DTNA: variants seen among roughly 807,000 people sequenced by gnomAD.
The protein encoded by DTNA is dystrophin-related protein 3.
A neutral mutation model predicts 100.7 loss-of-function variants in DTNA; 43 were observed. The observed-to-expected ratio is 0.43, with a 90% CI of 0.33 to 0.55. The LOEUF (loss-of-function observed/expected upper bound fraction) is 0.55. Among genes scored for constraint, DTNA ranks in the 20% least tolerant of loss-of-function variants. DTNA has a pLI of 0.04. For synonymous variants in DTNA, 349 were observed against 347.9 expected (o/e 1.00, Z -0.04); for missense variants, 798 against 953.9 (o/e 0.84, Z 2.15).
chr18:34,888,859 C>T lies in DTNA; in HGVS notation c.*1125C>T. 1 of 985,908 alleles carries T rather than the reference C, an allele frequency of 1.0e-6. No homozygotes were observed. Among genetic ancestry groups the T allele is most frequent in the Non-Finnish European group, 1.2e-6 (1 of 829,954 alleles). 61.1% of individuals were successfully genotyped at this position (985,908 alleles called of 1,614,324 possible). ...AAGTGCGCTTGCAAACGTTTGCTCT[C>T]CTTTTTTTCTGAATGTTGATTGCCT... On this transcript the variant is annotated 3_prime_UTR_variant, in exon 23 of 23. Coordinates refer to ENST00000444659, the MANE Select transcript of DTNA (RefSeq NM_001386795.1).
intron 1 of DTNA, among the ~76,000 whole-genome samples, chr18:34,688,431 G>T (rs537763798): frequency 9.9e-5 from 15 of 152,266 alleles, no homozygotes; most frequent in Non-Finnish European, 8.8e-5. Context: ...GAAATTCTGG[G>T]TTGAAAATTC....
intron 17 of DTNA, chr18:34,868,587 G>A (rs2096732491): frequency 1.0e-6 from 1 of 985,274 alleles, no homozygotes. Flanking sequence ...AACAAATTGT[G>A]CTGGATTTAA....
intron 22 of DTNA, among the ~76,000 whole-genome samples, chr18:34,887,502 TC>T (rs1194489243): frequency 6.6e-6 from 1 of 152,122 alleles, no homozygotes; most frequent in South Asian, 2.1e-4. Flanking sequence ...GTGTTGCTTT[TC>T]CCCTCCAGAT....
intron 1 of DTNA, among the ~76,000 whole-genome samples, chr18:34,749,639 C>CAAAAAAAAAAAAAA (rs1232445254): frequency 1.3e-5 from 1 of 75,118 alleles, no homozygotes; most frequent in African/African-American, 5.1e-5. Flanking sequence ...CACCTCTCTC[C>CAAAAAAAAAAAAAA]AAAAAATAAT....
At chr18:34,766,787 G>A (rs1221423926) in intron 3 of DTNA, among the ~76,000 whole-genome samples, 21 of 152,070 alleles carry the variant, frequency 1.4e-4, no homozygotes, top group Admixed American at 9.2e-4. Flanking sequence ...TAAAGCTTTT[G>A]GAAAACATTT....
chr18:34,766,682 A>G (rs1443403760), intron 3 of DTNA, among the ~76,000 whole-genome samples: 1 of 152,224 alleles, frequency 6.6e-6, no homozygotes, highest in Non-Finnish European at 1.5e-5. Context: ...TAATAATAAA[A>G]TAAAATAAAA....
chr18:34,591,219 A>C (rs1331945788), intron 1 of DTNA, among the ~76,000 whole-genome samples: 1 of 152,192 alleles, frequency 6.6e-6, no homozygotes, highest in African/African-American at 2.4e-5. Context: ...ACATACATAC[A>C]TAAGATGTAT....
chr18:34,496,110 AAG>A (rs1371854715), intron 1 of DTNA, among the ~76,000 whole-genome samples: 1 of 151,962 alleles, frequency 6.6e-6, no homozygotes, highest in Non-Finnish European at 1.5e-5. Context: ...TATAAGTAAA[AAG>A]AGAGTGGAAT....
intron 16 of DTNA, among the ~76,000 whole-genome samples, chr18:34,861,613 G>A (rs1338854877): frequency 1.3e-5 from 2 of 151,658 alleles, no homozygotes; most frequent in Non-Finnish European, 2.9e-5. Context: ...TGCTAGGAAA[G>A]GAAAATCACT....
intron 1 of DTNA, among the ~76,000 whole-genome samples, chr18:34,725,996 G>A (rs992751524): frequency 6.6e-6 from 1 of 152,142 alleles, no homozygotes; most frequent in Non-Finnish European, 1.5e-5. Flanking sequence ...CGTAACAGAA[G>A]AAGAGAAAAC....
At chr18:34,527,426 A>G (rs984391101) in intron 1 of DTNA, among the ~76,000 whole-genome samples, 4 of 152,068 alleles carry the variant, frequency 2.6e-5, no homozygotes, top group Admixed American at 6.6e-5. Context: ...ATGACATTTT[A>G]ATAGTAGACA....
At chr18:34,677,296 C>G (rs2077507343) in intron 1 of DTNA, among the ~76,000 whole-genome samples, 1 of 152,156 alleles carries the variant, frequency 6.6e-6, no homozygotes, top group East Asian at 1.9e-4. Context: ...GTGTCTCCAT[C>G]TGAGCATTGT....
At chr18:34,630,655 A>C (rs932388625) in intron 1 of DTNA, among the ~76,000 whole-genome samples, 3 of 152,108 alleles carry the variant, frequency 2.0e-5, no homozygotes, top group African/African-American at 7.2e-5. Context: ...AAAATCGGGA[A>C]GATGTAATAA....
intron 3 of DTNA, among the ~76,000 whole-genome samples, chr18:34,783,360 T>C (rs1242652588): frequency 2.0e-5 from 3 of 152,206 alleles, no homozygotes; most frequent in East Asian, 1.9e-4. Context: ...CCTGTGAAGA[T>C]TGGCATGATA....
intron 14 of DTNA, among the ~76,000 whole-genome samples, chr18:34,850,607 G>A (rs978632953): frequency 2.0e-5 from 3 of 152,248 alleles, no homozygotes; most frequent in Non-Finnish European, 4.4e-5. Flanking sequence ...TTAGGCAACA[G>A]TTGCCATTTT....
chr18:34,794,310 C>A, intron 4 of DTNA, 60 bp downstream of exon 4: 1 of 1,591,270 alleles, frequency 6.3e-7, no homozygotes. Flanking sequence ...TCCTGTCTTA[C>A]TTGGTCTTTT....
intron 1 of DTNA, among the ~76,000 whole-genome samples, chr18:34,577,471 T>G (rs913677871): frequency 6.6e-6 from 1 of 152,144 alleles, no homozygotes; most frequent in African/African-American, 2.4e-5. Flanking sequence ...TTTCCATAGG[T>G]TTTTGGGGAA....
intron 3 of DTNA, among the ~76,000 whole-genome samples, chr18:34,782,316 A>T (rs1408898000): frequency 6.6e-6 from 1 of 152,226 alleles, no homozygotes; most frequent in African/African-American, 2.4e-5. Flanking sequence ...GGAGAAACTG[A>T]TGAAAGCCAT....
chr18:34,693,529 T>G (rs2080077017), intron 1 of DTNA, among the ~76,000 whole-genome samples: 1 of 152,138 alleles, frequency 6.6e-6, no homozygotes, highest in Admixed American at 6.6e-5. Flanking sequence ...CTTGAGTTTA[T>G]TTTCCCCCAA....
Sources: gnomAD v4.1 joint callset for allele counts (sites outside exome capture counted in the v4.1 genomes callset) on GRCh38, gnomAD v4.1.1 for gene constraint, MANE v1.5 for transcripts, NCBI Gene and HGNC (gene_info 2026-07-23, HGNC 2026-07-21) for gene names.